The following VTI1A variants were observed in gnomAD, a reference collection of about 807,000 sequenced individuals.
VTI1A encodes the protein vesicle transport through interaction with t-SNAREs homolog 1A.
In VTI1A, 22 loss-of-function variants were observed where a neutral mutation model predicts 34.9. The observed-to-expected ratio is 0.63, with a 90% CI of 0.45 to 0.90. The LOEUF (loss-of-function observed/expected upper bound fraction) is 0.90. Among genes scored for constraint, VTI1A ranks in the 40% least tolerant of loss-of-function variants. The pLI is 0.00. For synonymous variants in VTI1A, 87 were observed against 97.3 expected, an observed-to-expected ratio of 0.89 and a Z score of 0.62; for missense variants, 268 against 275.6, an observed-to-expected ratio of 0.97 and a Z score of 0.20.
At chr10:112,540,285 C>T (rs1306994123) in intron 5 of VTI1A, among the ~76,000 whole-genome samples, 1 of 152,212 alleles carries the variant, frequency 6.6e-6, no homozygotes, top group Admixed American at 6.5e-5. Flanking sequence ...ACATCCACAT[C>T]AAACTATCAA....
At chr10:112,626,294 C>T (rs1450887876) in intron 5 of VTI1A, among the ~76,000 whole-genome samples, 1 of 152,122 alleles carries the variant, frequency 6.6e-6, no homozygotes, top group Non-Finnish European at 1.5e-5. Flanking sequence ...GGCAACTGCT[C>T]AGCTTCTTCA....
At chr10:112,547,821 C>T (rs1008410688) in intron 5 of VTI1A, among the ~76,000 whole-genome samples, 21 of 152,146 alleles carry the variant, frequency 1.4e-4, no homozygotes, top group East Asian at 1.2e-3. Flanking sequence ...TTAGATAATT[C>T]GTGTACACCA....
intron 7 of VTI1A, chr10:112,737,410 TA>T: frequency 1.9e-6 from 2 of 1,034,158 alleles, no homozygotes; most frequent in Non-Finnish European, 2.3e-6. Flanking sequence ...AGAAGATAAT[TA>T]AAAAATGACA....
intron 5 of VTI1A, among the ~76,000 whole-genome samples, chr10:112,550,164 T>TA (rs1434926549): frequency 1.3e-5 from 2 of 152,226 alleles, no homozygotes; most frequent in African/African-American, 4.8e-5. Flanking sequence ...GAGCCATTCT[T>TA]ACTCTCTTGC....
chr10:112,818,568 G>A lies in VTI1A; in HGVS notation c.*3185G>A, dbSNP rs541634569. On this transcript the variant is annotated 3_prime_UTR_variant, in exon 8 of 8. Coordinates refer to ENST00000393077, the MANE Select transcript of VTI1A (RefSeq NM_145206.4). ...AGTTGTAATGGTGTCAAAAAGTCAC[G>A]ACTGACTGACAGCCGTCAGTCCCAG... The A allele has an allele frequency of 4.5e-6, 1 of 222,456 alleles. No homozygotes were observed. Among genetic ancestry groups the A allele is most frequent in the Non-Finnish European group, 9.0e-6 (1 of 111,004 alleles). The allele number at this position is 222,456 out of a possible 1,614,324, so 13.8% of individuals were successfully genotyped here.
At chr10:112,447,626 G>A (rs1465616225) in intron 1 of VTI1A, among the ~76,000 whole-genome samples, 159 bp downstream of exon 1, 1 of 152,172 alleles carries the variant, frequency 6.6e-6, no homozygotes, top group Non-Finnish European at 1.5e-5. Flanking sequence ...TTGAGGGTAA[G>A]GAGTCAAGTT....
chr10:112,539,171 G>T (rs1850767270), intron 5 of VTI1A, among the ~76,000 whole-genome samples: 1 of 151,900 alleles, frequency 6.6e-6, no homozygotes, highest in South Asian at 2.1e-4. Context: ...TGTGTATTTT[G>T]GATAGCTCTT....
At position 112,749,195 on chromosome 10, in the gene VTI1A, G is replaced by A. The variant is rs567107507; in HGVS notation, c.561-66095G>A. Among the ~76,000 whole-genome samples, 135 of 152,322 alleles carry A rather than the reference G, an allele frequency of 8.9e-4. 2 individuals are homozygous for A. In the Middle Eastern group the frequency reaches 0.014, roughly 15 times the overall value. ...TAATTCTAGGGTAGTTGCGAAGCCA[G>A]TCCAGTGGCCTTAGGTGGATTTATG... On this transcript the variant is annotated intron_variant, in intron 7 of 7. Coordinates refer to ENST00000393077, the MANE Select transcript of VTI1A (RefSeq NM_145206.4).
the VTI1A span, among the ~76,000 whole-genome samples, chr10:112,845,513 G>T: frequency 4.0e-4 from 60 of 150,884 alleles, no homozygotes; most frequent in African/African-American, 1.4e-3. Context: ...GAACTAACTT[G>T]CGCAGCAGCG....
the VTI1A span, among the ~76,000 whole-genome samples, chr10:112,848,316 T>C: frequency 6.6e-6 from 1 of 152,216 alleles, no homozygotes; most frequent in Non-Finnish European, 1.5e-5. Flanking sequence ...GCCATTGGTC[T>C]TCAATCTCCT....
intron 3 of VTI1A, among the ~76,000 whole-genome samples, chr10:112,511,270 A>C (rs961779423): frequency 6.8e-6 from 1 of 147,090 alleles, no homozygotes; most frequent in Non-Finnish European, 1.5e-5. Flanking sequence ...TCTTTTTCAG[A>C]GTCTTGCTCT....
At chr10:112,747,440 ACTGTC>A (rs1486956713) in intron 7 of VTI1A, among the ~76,000 whole-genome samples, 2 of 152,214 alleles carry the variant, frequency 1.3e-5, no homozygotes, top group South Asian at 4.1e-4. Context: ...ACAGCATTTT[ACTGTC>A]CTGAATACGA....
intron 5 of VTI1A, among the ~76,000 whole-genome samples, chr10:112,596,609 A>G (rs928412479): frequency 6.6e-6 from 1 of 152,146 alleles, no homozygotes; most frequent in Non-Finnish European, 1.5e-5. Flanking sequence ...CAAGATTTTT[A>G]ATGTATTATA....
intron 5 of VTI1A, among the ~76,000 whole-genome samples, chr10:112,604,969 A>G (rs1307641414): frequency 2.6e-5 from 4 of 152,188 alleles, no homozygotes; most frequent in Admixed American, 2.0e-4. Flanking sequence ...CCTCTCTTAT[A>G]TAGGCCTCTT....
chr10:112,830,923 C>T, the VTI1A span, among the ~76,000 whole-genome samples: 209 of 146,444 alleles, frequency 1.4e-3, no homozygotes, highest in African/African-American at 4.7e-3. Context: ...GATCATGGCT[C>T]ACAGCAGCTT....
intron 3 of VTI1A, among the ~76,000 whole-genome samples, chr10:112,486,978 GATAGAGATACTATCACTATTTA>G (rs1420995303): frequency 1.3e-5 from 2 of 151,966 alleles, no homozygotes; most frequent in African/African-American, 2.4e-5. Flanking sequence ...TAATATTTCA[GATAGAGATACTATCACTATTTA>G]ATAGAGATAC....
intron 7 of VTI1A, among the ~76,000 whole-genome samples, chr10:112,671,611 G>C (rs1339699021): frequency 1.3e-5 from 2 of 152,128 alleles, no homozygotes; most frequent in African/African-American, 4.8e-5. Flanking sequence ...GCTTGGCACG[G>C]CTCATCATTT....
chr10:112,643,418 C>T (rs1031630198), intron 5 of VTI1A, among the ~76,000 whole-genome samples: 4 of 151,970 alleles, frequency 2.6e-5, no homozygotes, highest in Non-Finnish European at 4.4e-5. Context: ...TTTAGCTTTA[C>T]TCAAAATAAT....
intron 1 of VTI1A, among the ~76,000 whole-genome samples, chr10:112,451,956 CAT>C (rs1044988141): frequency 1.2e-4 from 19 of 152,136 alleles, no homozygotes; most frequent in African/African-American, 4.6e-4. Flanking sequence ...AAATTAAAAA[CAT>C]TATTAAAACT....
Sources: gnomAD v4.1 joint callset for allele counts (sites outside exome capture counted in the v4.1 genomes callset) on GRCh38, gnomAD v4.1.1 for gene constraint, MANE v1.5 for transcripts, NCBI Gene and HGNC (gene_info 2026-07-23, HGNC 2026-07-21) for gene names.